ADAMTS19: variants seen among roughly 807,000 people sequenced by gnomAD.
ADAMTS19 encodes A disintegrin and metalloproteinase with thrombospondin motifs 19.
A neutral mutation model predicts 153.3 loss-of-function variants in ADAMTS19; 93 were observed. The ratio of observed to expected loss-of-function variants is 0.61; its 90% CI spans 0.51 to 0.72. ADAMTS19 has a LOEUF of 0.72. ADAMTS19 is among the 30% of genes least tolerant of loss of function. The probability of loss-of-function intolerance (pLI) is 0.00; values close to 1 mark genes in which losing one functional copy is unlikely to be tolerated. For synonymous variants in ADAMTS19, 600 were observed against 556.6 expected (o/e 1.08, Z -1.10); for missense variants, 1,482 against 1,552.1 (o/e 0.95, Z 0.76).
chr5:129,702,941 A>AAAAAAATATATAT, intron 20 of ADAMTS19, among the ~76,000 whole-genome samples: 4 of 29,304 alleles, frequency 1.4e-4, no homozygotes, highest in Admixed American at 9.3e-4. Flanking sequence ...AAAAAAAAAA[A>AAAAAAATATATAT]ATATATATAT....
At chr5:129,654,662 A>G (rs1753465289) in intron 14 of ADAMTS19, among the ~76,000 whole-genome samples, 1 of 152,166 alleles carries the variant, frequency 6.6e-6, no homozygotes, top group South Asian at 2.1e-4. Flanking sequence ...TACTAACTGA[A>G]AGAATCTGAG....
chr5:129,522,221 A>G (rs907081404), intron 3 of ADAMTS19, among the ~76,000 whole-genome samples: 1 of 148,380 alleles, frequency 6.7e-6, no homozygotes, highest in South Asian at 2.1e-4. Context: ...ACACATATGT[A>G]TATATGTTAG....
chr5:129,676,222 G>A (rs1293503880), intron 16 of ADAMTS19, among the ~76,000 whole-genome samples: 6 of 152,076 alleles, frequency 3.9e-5, no homozygotes, highest in Non-Finnish European at 7.4e-5. Flanking sequence ...CTGAATGACT[G>A]TATTTTGTTA....
At chr5:129,562,736 T>C (rs1033732783) in intron 7 of ADAMTS19, among the ~76,000 whole-genome samples, 1 of 152,132 alleles carries the variant, frequency 6.6e-6, no homozygotes, top group African/African-American at 2.4e-5. Context: ...TAAATGCTGA[T>C]TGAATAAGTT....
chr5:129,683,817 A>G (rs1754938707), intron 17 of ADAMTS19, among the ~76,000 whole-genome samples: 1 of 150,070 alleles, frequency 6.7e-6, no homozygotes. Flanking sequence ...CTAGTCCATC[A>G]AATTGAAAGA....
intron 6 of ADAMTS19, among the ~76,000 whole-genome samples, chr5:129,537,853 C>G (rs1232992348): frequency 1.3e-5 from 2 of 151,870 alleles, no homozygotes; most frequent in African/African-American, 4.8e-5. Context: ...GTACAGCACA[C>G]CAACATGGCA....
intron 8 of ADAMTS19, among the ~76,000 whole-genome samples, chr5:129,608,276 G>A (rs1751026125): frequency 6.6e-6 from 1 of 151,370 alleles, no homozygotes; most frequent in African/African-American, 2.4e-5. Flanking sequence ...ATTCATATGT[G>A]GAATCTGACA....
intron 16 of ADAMTS19, among the ~76,000 whole-genome samples, chr5:129,668,423 A>G (rs1754149031): frequency 6.6e-6 from 1 of 152,218 alleles, no homozygotes; most frequent in Non-Finnish European, 1.5e-5. Flanking sequence ...CAGGAAGTCC[A>G]AGATCAAGGC....
chr5:129,570,625 A>C (rs1277282959), intron 7 of ADAMTS19, among the ~76,000 whole-genome samples: 1 of 61,290 alleles, frequency 1.6e-5, no homozygotes, highest in Non-Finnish European at 6.3e-5. Context: ...GAGTACAGGA[A>C]AAAAATTAAA....
intron 21 of ADAMTS19, among the ~76,000 whole-genome samples, chr5:129,724,292 C>T (rs1237007683): frequency 6.6e-6 from 1 of 152,158 alleles, no homozygotes; most frequent in Non-Finnish European, 1.5e-5. Context: ...TGCTATCTGT[C>T]ATATTCTTAT....
In ADAMTS19 at chr5:129,528,473, T is replaced by A. The variant is rs188237015; in HGVS notation, c.1171-47T>A. The stretch of plus-strand genomic sequence containing the variant: ...TTGTTGTTGTTGTTGTTGTTTTGTA[T>A]ATACCTAAGAATAATATGCCTTGTG... On this transcript the variant is annotated intron_variant, in intron 5 of 22. Transcript: ENST00000274487. 181 of 1,448,892 alleles carry A rather than the reference T, an allele frequency of 1.2e-4. 3 individuals are homozygous for A. The African/African-American group carries it at 2.3e-3, about 19-fold the overall frequency. 89.8% of individuals were successfully genotyped at this position (1,448,892 alleles called of 1,614,324 possible).
rs201666318 is a variant in ADAMTS19, at chr5:129,665,979, G to GTA, written c.2506+413_2506+414dup. On this transcript the variant is annotated intron_variant, in intron 16 of 22. Transcript: ENST00000274487. ...TAATTGCATTTATAAATGAATTTAT[G>GTA]TATATATATATATAAAATGATCGTT... Among the ~76,000 whole-genome samples the GTA allele has an allele frequency of 3.5e-3, 506 of 144,248 alleles. 2 individuals are homozygous for GTA. The highest frequency in any genetic ancestry group is 0.011 in the East Asian group (55 of 5,056). 94.6% of individuals were successfully genotyped at this position (144,248 alleles called of 152,430 possible). A position where few individuals can be genotyped will look rare whatever the true frequency, so the allele number is the denominator to read the frequency against.
At chr5:129,525,552 T>G (rs1297683945) in intron 3 of ADAMTS19, among the ~76,000 whole-genome samples, 1 of 152,048 alleles carries the variant, frequency 6.6e-6, no homozygotes, top group African/African-American at 2.4e-5. Flanking sequence ...TGCAACTATC[T>G]TCTGTCACTT....
intron 20 of ADAMTS19, among the ~76,000 whole-genome samples, chr5:129,701,853 T>C (rs1249207925): frequency 2.0e-5 from 3 of 152,174 alleles, no homozygotes; most frequent in African/African-American, 4.8e-5. Flanking sequence ...TTTACTTATA[T>C]ACTATGACTA....
Position 129,522,314 on chromosome 5 carries a change from T to TAC in ADAMTS19, c.914-3969_914-3968insCA, listed in dbSNP as rs1455704023. 3.0e-3 allele frequency among the ~76,000 whole-genome samples: 285 copies of TAC among 94,386 alleles called. 3 individuals carry two copies. The highest frequency in any genetic ancestry group is 0.012 in the African/African-American group (234 of 19,250). 61.9% of individuals were successfully genotyped at this position (94,386 alleles called of 152,430 possible). On this transcript the variant is annotated intron_variant, in intron 3 of 22. Transcript: ENST00000274487. ...GTGTGTGTGTGTATATATATATATATATACACACACACACACACATATATA... is the reference window on the plus strand; with the variant it reads ...GTGTGTGTGTGTATATATATATATATACATACACACACACACACACATATATA...
intron 8 of ADAMTS19, among the ~76,000 whole-genome samples, chr5:129,620,364 A>G (rs1751725326): frequency 6.6e-6 from 1 of 152,104 alleles, no homozygotes; most frequent in African/African-American, 2.4e-5. Context: ...TAAAGGACCT[A>G]AACATGTCAT....
chr5:129,675,980 C>G (rs1754532185), intron 16 of ADAMTS19, among the ~76,000 whole-genome samples: 1 of 152,014 alleles, frequency 6.6e-6, no homozygotes, highest in African/African-American at 2.4e-5. Context: ...ATGACCTCTG[C>G]AATGAGATGG....
chr5:129,682,016 A>G (rs1311193125), intron 17 of ADAMTS19, among the ~76,000 whole-genome samples: 1 of 152,110 alleles, frequency 6.6e-6, no homozygotes, highest in Non-Finnish European at 1.5e-5. Flanking sequence ...TTTTTATTTT[A>G]TGGTATAAGA....
chr5:129,630,979 C>T (rs1023844774), intron 10 of ADAMTS19, among the ~76,000 whole-genome samples: 2 of 151,900 alleles, frequency 1.3e-5, no homozygotes, highest in Non-Finnish European at 2.9e-5. Flanking sequence ...GGATGCTTAA[C>T]ATCATTAATA....
Sources: allele counts gnomAD v4.1 joint callset (sites outside exome capture counted in the v4.1 genomes callset), GRCh38; gene constraint gnomAD v4.1.1; transcripts MANE v1.5; gene names NCBI Gene and HGNC (gene_info 2026-07-23, HGNC 2026-07-21).